Variants in ATG16L1 observed in about 807,000 individuals in gnomAD.
ATG16L1 encodes the protein autophagy-related protein 16-1.
Under a neutral mutation model 88.5 loss-of-function variants are expected in ATG16L1, and 37 were observed. That is an observed-to-expected ratio of 0.42 (90% confidence interval 0.32 to 0.55). The LOEUF (loss-of-function observed/expected upper bound fraction) is 0.55, where lower values mean the gene tolerates loss of function less well. Among genes scored for constraint, ATG16L1 ranks in the 20% least tolerant of loss-of-function variants. The pLI is 0.13. For missense variants in ATG16L1, 554 were observed against 752.8 expected (o/e 0.74, Z 3.09); for synonymous variants, 301 against 281.0 (o/e 1.07, Z -0.71).
intron 9 of ATG16L1, among the ~76,000 whole-genome samples, chr2:233,276,621 C>T (rs36001488): frequency 0.44 from 66,604 of 151,898 alleles, 15,300 homozygotes; most frequent in Non-Finnish European, 0.52. Flanking sequence ...AATAGGTATG[C>T]GCTACCACAC....
At chr2:233,268,096 C>T (rs557245042) in intron 5 of ATG16L1, among the ~76,000 whole-genome samples, 3 of 152,208 alleles carry the variant, frequency 2.0e-5, no homozygotes, top group African/African-American at 7.2e-5. Context: ...GATAGCTCTT[C>T]ACACTCTGCC....
intron 2 of ATG16L1, 104 bp from the exon 3 acceptor site, chr2:233,263,026 T>A: frequency 1.0e-6 from 1 of 976,954 alleles, no homozygotes; most frequent in Non-Finnish European, 1.6e-6. Flanking sequence ...GTGAACATGT[T>A]TCTGGAGTTA....
At chr2:233,284,937 A>G (rs1251419066) in intron 12 of ATG16L1, among the ~76,000 whole-genome samples, 3 of 152,254 alleles carry the variant, frequency 2.0e-5, no homozygotes, top group African/African-American at 7.2e-5. Flanking sequence ...AAGAAGATCC[A>G]GGTCCGAACA....
At chr2:233,274,834 C>A in intron 9 of ATG16L1, 56 bp downstream of exon 9, 4 of 1,322,994 alleles carry the variant, frequency 3.0e-6, no homozygotes, top group South Asian at 1.2e-5. Context: ...CAGAGCCTGG[C>A]AATTAAAGGG....
rs755639074 is a variant in ATG16L1, at chr2:233,289,820, C to T, written c.1204-34C>T. On this transcript the variant is annotated intron_variant, in intron 12 of 17. Transcript: ENST00000392017. ...GCCAGCATAGGCAGGGCCTGGCGCC[C>T]TGAGGCTCACCCTGGCTGTGTTCTC... 17 of 1,605,280 alleles carry T rather than the reference C, an allele frequency of 1.1e-5. 1 individual carries two copies. In the South Asian group the frequency reaches 1.8e-4, roughly 17 times the overall value.
chr2:233,257,155 G>A (rs914773923), intron 2 of ATG16L1, among the ~76,000 whole-genome samples: 1 of 152,012 alleles, frequency 6.6e-6, no homozygotes, highest in East Asian at 1.9e-4. Context: ...TCAGCCTCCC[G>A]AGTAGCTGGG....
intron 2 of ATG16L1, among the ~76,000 whole-genome samples, chr2:233,262,139 A>G (rs1242612963): frequency 2.6e-5 from 4 of 152,148 alleles, no homozygotes; most frequent in Non-Finnish European, 5.9e-5. Context: ...GCCTTGATTC[A>G]TCCTTGACTC....
intron 9 of ATG16L1, among the ~76,000 whole-genome samples, chr2:233,276,627 C>T (rs527564652): frequency 3.3e-5 from 5 of 152,224 alleles, no homozygotes; most frequent in Admixed American, 2.6e-4. Flanking sequence ...TATGCGCTAC[C>T]ACACCTGGCT....
Position 233,289,969 on chromosome 2 carries a change from A to T in ATG16L1, c.1319A>T (p.Lys440Ile). 6.2e-7 allele frequency: 1 copy of T among 1,613,778 alleles called. No individual in the cohort carries two copies. Among genetic ancestry groups the T allele is most frequent in the African/African-American group, 1.3e-5 (1 of 75,044 alleles). Residue 440 changes from lysine to isoleucine, a missense_variant, in exon 13 of 18, where the codon AAA becomes ATA. Lys to Ile is a moderately radical substitution (Grantham distance 102). Transcript: ENST00000392017. The stretch of plus-strand genomic sequence containing the variant: ...CTCAAACTCTGGGATCTACGCAGCA[A>T]AGTCTGTGAGGAAATTCAGTCTCTC... Reference protein sequence around the residue: ...RTLKLWDLRSKVCIKTVFAGS... With the variant: ...RTLKLWDLRSIVCIKTVFAGS...
chr2:233,293,123 A>G, intron 16 of ATG16L1, 133 bp from the exon 17 acceptor site: 1 of 769,010 alleles, frequency 1.3e-6, no homozygotes. Flanking sequence ...TGACTAGCAC[A>G]CATTCTGAGG....
At chr2:233,285,583 C>T (rs1034606040) in intron 12 of ATG16L1, among the ~76,000 whole-genome samples, 1 of 152,176 alleles carries the variant, frequency 6.6e-6, no homozygotes, top group African/African-American at 2.4e-5. Flanking sequence ...GAGTTTCTGG[C>T]CTGCTCATAA....
At chr2:233,291,953 G>T (rs1399132355) in intron 14 of ATG16L1, among the ~76,000 whole-genome samples, 175 bp from the exon 15 acceptor site, 1 of 152,216 alleles carries the variant, frequency 6.6e-6, no homozygotes, top group Non-Finnish European at 1.5e-5. Flanking sequence ...CTTAGGGTCT[G>T]TTGATGGGAA....
intron 5 of ATG16L1, among the ~76,000 whole-genome samples, chr2:233,269,656 G>A (rs1002113814): frequency 6.6e-6 from 1 of 152,176 alleles, no homozygotes; most frequent in Non-Finnish European, 1.5e-5. Context: ...ATTTGCTGCA[G>A]AAAACTTAAG....
chr2:233,276,713 G>A lies in ATG16L1; in HGVS notation c.955-855G>A, dbSNP rs1428613265. 8.9e-4 allele frequency among the ~76,000 whole-genome samples: 135 copies of A among 152,198 alleles called. 1 individual carries two copies. Among genetic ancestry groups the A allele is most frequent in the Non-Finnish European group, 2.9e-5 (2 of 68,026 alleles). On this transcript the variant is annotated intron_variant, in intron 9 of 17. Transcript: ENST00000392017. ...GCTGGTCTTGAACTCCTGAGCTCAT[G>A]CGATCTGCCCACCTCGGTCTCCCGA... is the stretch of plus-strand genomic sequence containing the variant.
At chr2:233,263,324 T>C in intron 3 of ATG16L1, 89 bp downstream of exon 3, 6 of 1,202,872 alleles carry the variant, frequency 5.0e-6, no homozygotes, top group Non-Finnish European at 7.2e-6. Context: ...TCACCAGAAT[T>C]GGCAGCAGCC....
At chr2:233,279,478 C>T (rs993182393) in intron 10 of ATG16L1, among the ~76,000 whole-genome samples, 6 of 152,116 alleles carry the variant, frequency 3.9e-5, no homozygotes, top group Admixed American at 2.0e-4. Flanking sequence ...GAATGTGTGG[C>T]GGCATTTCTT....
intron 9 of ATG16L1, chr2:233,275,760 C>T: frequency 3.9e-6 from 2 of 519,266 alleles, no homozygotes; most frequent in South Asian, 1.4e-5. Context: ...TCTGATTGCA[C>T]TGAATGTCAC....
intron 7 of ATG16L1, chr2:233,273,383 C>T (rs954376114): frequency 2.5e-5 from 12 of 489,340 alleles, no homozygotes; most frequent in Non-Finnish European, 4.0e-5. Context: ...TCCCCCCGCC[C>T]GCACCGCCCT....
intron 8 of ATG16L1, chr2:233,274,054 T>A: frequency 6.5e-7 from 1 of 1,549,338 alleles, no homozygotes. Flanking sequence ...GAAACTATTA[T>A]CCTCTCTTAG....
Sources: gnomAD v4.1 joint callset for allele counts (sites outside exome capture counted in the v4.1 genomes callset) on GRCh38, gnomAD v4.1.1 for gene constraint, MANE v1.5 for transcripts, NCBI Gene and HGNC (gene_info 2026-07-23, HGNC 2026-07-21) for gene names.